GRIA3: variants seen among roughly 807,000 people sequenced by gnomAD.
The protein encoded by GRIA3 is glutamate receptor 3.
In GRIA3, 3 loss-of-function variants were observed where a neutral mutation model predicts 63.0. That is an observed-to-expected ratio of 0.05 (90% CI 0.02 to 0.12). The LOEUF (loss-of-function observed/expected upper bound fraction) is 0.12, where lower values mean the gene tolerates loss of function less well. Among genes scored for constraint, GRIA3 ranks in the 10% least tolerant of loss-of-function variants. The probability of loss-of-function intolerance (pLI) is 1.00; values close to 1 mark genes in which losing one functional copy is unlikely to be tolerated. For missense variants in GRIA3, 347 were observed against 700.9 expected (o/e 0.50, Z 5.70); for synonymous variants, 274 against 257.9 (o/e 1.06, Z -0.60).
chrX:123,222,354 A>G (rs1475124483), intron 2 of GRIA3, among the ~76,000 whole-genome samples: 1 of 112,416 alleles, frequency 8.9e-6, no homozygotes, highest in African/African-American at 3.2e-5. Context: ...TCTTCATGTT[A>G]TTAGAATCCT....
At chrX:123,210,376 ATC>A (rs1189670116) in intron 2 of GRIA3, among the ~76,000 whole-genome samples, 1 of 110,677 alleles carries the variant, frequency 9.0e-6, no homozygotes, top group Non-Finnish European at 1.9e-5. Context: ...TCAATTGTTT[ATC>A]TTCCTCAATC....
At chrX:123,300,678 C>CA (rs2044717535) in intron 3 of GRIA3, among the ~76,000 whole-genome samples, 1 of 108,989 alleles carries the variant, frequency 9.2e-6, no homozygotes, top group African/African-American at 3.3e-5. Flanking sequence ...TCCTTCAGTT[C>CA]AGCTCTGCTT....
At chrX:123,189,377 G>C (rs1296755960) in intron 2 of GRIA3, among the ~76,000 whole-genome samples, 1 of 112,167 alleles carries the variant, frequency 8.9e-6, no homozygotes, top group Non-Finnish European at 1.9e-5. Context: ...TCAGGGCAGG[G>C]GTGTGGAAAC....
At chrX:123,288,970 G>A (rs771642948) in intron 3 of GRIA3, among the ~76,000 whole-genome samples, 1 of 111,909 alleles carries the variant, frequency 8.9e-6, no homozygotes, top group Non-Finnish European at 1.9e-5. Context: ...ACATGCACAC[G>A]TATGTTTATT....
At chrX:123,276,301 C>G in intron 3 of GRIA3, among the ~76,000 whole-genome samples, 1 of 112,089 alleles carries the variant, frequency 8.9e-6, no homozygotes, top group Non-Finnish European at 1.9e-5. Flanking sequence ...AACCTACTCC[C>G]TCCCTTGGGA....
At chrX:123,434,677 C>T (rs2045635469) in intron 12 of GRIA3, among the ~76,000 whole-genome samples, 1 of 111,247 alleles carries the variant, frequency 9.0e-6, no homozygotes, top group African/African-American at 3.3e-5. Context: ...GATGCTGAGG[C>T]CTGGCCAAAA....
chrX:123,258,129 C>A (rs1336636229), intron 3 of GRIA3, among the ~76,000 whole-genome samples: 2 of 112,427 alleles, frequency 1.8e-5, no homozygotes, highest in Non-Finnish European at 3.8e-5. Flanking sequence ...ATGTTTACAC[C>A]TGCCCTCCCT....
chrX:123,184,760 G>C, intron 1 of GRIA3, 116 bp downstream of exon 1: 6 of 560,253 alleles, frequency 1.1e-5, no homozygotes, highest in Non-Finnish European at 1.9e-5. Context: ...ACTGGGACTG[G>C]GGCCGGGACC....
chrX:123,345,173 T>C (rs1324020003), intron 4 of GRIA3, among the ~76,000 whole-genome samples: 1 of 111,500 alleles, frequency 9.0e-6, no homozygotes, highest in Non-Finnish European at 1.9e-5. Flanking sequence ...GGAATAGTTA[T>C]GCTTCCCTGC....
intron 12 of GRIA3, among the ~76,000 whole-genome samples, chrX:123,453,984 A>T (rs2045748705): frequency 8.9e-6 from 1 of 111,930 alleles, no homozygotes; most frequent in African/African-American, 3.2e-5. Flanking sequence ...TTCTCAAAAT[A>T]AGGAGAAAAA....
intron 2 of GRIA3, among the ~76,000 whole-genome samples, chrX:123,232,081 T>A (rs1160364715): frequency 1.8e-5 from 2 of 111,851 alleles, no homozygotes; most frequent in African/African-American, 3.2e-5. Context: ...AGATGTTAAA[T>A]GATGCTTACT....
chrX:123,184,556 G>T lies in GRIA3; in HGVS notation c.21G>T (p.Met7Ile). MARQKK[M>I]GQSVLRAVFF... Reference sequence around the variant, plus strand: ...GTAGCATGGCCAGGCAGAAGAAAATGGGGCAAAGCGTGCTCCGGGCGGTCT... The same window carrying T: ...GTAGCATGGCCAGGCAGAAGAAAATTGGGCAAAGCGTGCTCCGGGCGGTCT... Residue 7 changes from methionine to isoleucine, a missense_variant, in exon 1 of 16, where the codon ATG becomes ATT. By Grantham distance (10) the Met-to-Ile change is conservative (BLOSUM62 1). Coordinates refer to ENST00000620443, the MANE Select transcript of GRIA3 (RefSeq NM_007325.5). 3 of 1,209,610 alleles carry T rather than the reference G, an allele frequency of 2.5e-6. No individual in the cohort carries two copies. Among genetic ancestry groups the T allele is most frequent in the Non-Finnish European group, 3.4e-6 (3 of 893,781 alleles).
intron 5 of GRIA3, among the ~76,000 whole-genome samples, chrX:123,389,443 C>T (rs777259611): frequency 1.8e-5 from 2 of 111,490 alleles, no homozygotes; most frequent in South Asian, 7.6e-4. Flanking sequence ...TTAGATTAAT[C>T]CCTTTATCAT....
intron 2 of GRIA3, among the ~76,000 whole-genome samples, chrX:123,189,258 A>G (rs1927360521): frequency 1.8e-5 from 2 of 112,571 alleles, no homozygotes; most frequent in African/African-American, 6.5e-5. Flanking sequence ...CTTTGGCTTC[A>G]GGATATATAC....
At chrX:123,339,427 A>G (rs760770076) in intron 4 of GRIA3, among the ~76,000 whole-genome samples, 1 of 112,279 alleles carries the variant, frequency 8.9e-6, no homozygotes, top group Non-Finnish European at 1.9e-5. Flanking sequence ...GATAAGGACT[A>G]GTAAAGAAAA....
intron 6 of GRIA3, among the ~76,000 whole-genome samples, chrX:123,398,088 C>T (rs903617638): frequency 8.1e-5 from 9 of 111,775 alleles, no homozygotes; most frequent in Non-Finnish European, 1.7e-4. Context: ...GTTTTTGCTA[C>T]CCCCAGGAAA....
chrX:123,390,118 T>C (rs990746684), intron 5 of GRIA3, among the ~76,000 whole-genome samples: 1 of 112,334 alleles, frequency 8.9e-6, no homozygotes, highest in Non-Finnish European at 1.9e-5. Context: ...ATTTTGCATA[T>C]ACTTTGCTTC....
chrX:123,278,151 T>C (rs775463440), intron 3 of GRIA3, among the ~76,000 whole-genome samples: 81 of 112,193 alleles, frequency 7.2e-4, no homozygotes, highest in Middle Eastern at 4.6e-3. Context: ...AGCAGTTCCA[T>C]GTACAATGGT....
intron 13 of GRIA3, among the ~76,000 whole-genome samples, chrX:123,466,280 C>G (rs961162491): frequency 4.5e-5 from 5 of 111,871 alleles, no homozygotes; most frequent in Non-Finnish European, 7.5e-5. Flanking sequence ...AGATGTTGTT[C>G]TCTATATGTG....
Sources: allele counts gnomAD v4.1 joint callset (sites outside exome capture counted in the v4.1 genomes callset), GRCh38; gene constraint gnomAD v4.1.1; transcripts MANE v1.5; gene names NCBI Gene and HGNC (gene_info 2026-07-23, HGNC 2026-07-21).